Variants in KCNQ1OT1 observed in about 807,000 individuals in gnomAD.
KCNQ1OT1 encodes the protein KCNQ1 opposite strand/antisense transcript 1, also known as KCNQ1 antisense RNA 2 (non-protein coding).
chr11:2,680,000 TCTC>T lies in KCNQ1OT1; in HGVS notation n.19992_19994del. ...CCTCTACCTCCTGGGTTCAAGCAATTCTCCTGCCTTAGCCTCCCTAGTAGCTGG... is the reference window on the plus strand; with the variant it reads ...CCTCTACCTCCTGGGTTCAAGCAATTCTGCCTTAGCCTCCCTAGTAGCTGG... On this transcript the variant is annotated non_coding_transcript_exon_variant, in exon 1 of 1. Transcript: ENST00000597346. This position sits in a 1 kb window ranked among gnomAD's most constrained non-coding sequence, Gnocchi z 4.8. 2.5e-6 allele frequency: 1 copy of T among 397,028 alleles called. No homozygotes were observed. Among genetic ancestry groups the T allele is most frequent in the Non-Finnish European group, 4.4e-6 (1 of 225,768 alleles). The allele number at this position is 397,028 out of a possible 1,614,324, so 24.6% of individuals were successfully genotyped here. A position where few individuals can be genotyped will look rare whatever the true frequency, so the allele number is the denominator to read the frequency against.
chr11:2,676,722 T>G lies in KCNQ1OT1; in HGVS notation n.23273A>C, dbSNP rs1311440550. 2 of 398,560 alleles carry G rather than the reference T, an allele frequency of 5.0e-6. No homozygotes were observed. Among genetic ancestry groups the G allele is most frequent in the East Asian group, 7.1e-5 (2 of 28,092 alleles). 24.7% of individuals were successfully genotyped at this position (398,560 alleles called of 1,614,324 possible). A position where few individuals can be genotyped will look rare whatever the true frequency, so the allele number is the denominator to read the frequency against. On this transcript the variant is annotated non_coding_transcript_exon_variant, in exon 1 of 1. Transcript: ENST00000597346. The surrounding 1 kb of genome is among the most constrained non-coding windows in gnomAD (Gnocchi z 4.2). ...CCTGGCAGGAGATAACCAAGTCATA[T>G]GCATAGTGGCTTTGGGTACGATGGT...
chr11:2,617,580 G>C lies in KCNQ1OT1; in HGVS notation n.82415C>G. ...TTCATTTTCTTTGGGAATATACCTA[G>C]AAGAGGGATTAGTGGGTCAGATGAT... On this transcript the variant is annotated non_coding_transcript_exon_variant, in exon 1 of 1. Coordinates refer to ENST00000597346, the Ensembl canonical transcript of KCNQ1OT1. This position sits in a 1 kb window ranked among gnomAD's most constrained non-coding sequence, Gnocchi z 4.6. The C allele has an allele frequency of 2.5e-6, 1 of 398,406 alleles. No individual in the cohort carries two copies. Among genetic ancestry groups the C allele is most frequent in the Non-Finnish European group, 4.4e-6 (1 of 225,962 alleles). The allele number at this position is 398,406 out of a possible 1,614,324, so 24.7% of individuals were successfully genotyped here.
chr11:2,662,123 C>G (rs374710321), exon 1 of KCNQ1OT1: 1 of 1,613,408 alleles, frequency 6.2e-7, no homozygotes, highest in South Asian at 1.1e-5. Context: ...CTGGAGGGGA[C>G]TGGAGCTCAA....
In KCNQ1OT1 at chr11:2,677,096, T is replaced by C. The variant is rs143533851; in HGVS notation, n.22899A>G. ...CATTCAAATATATTCACTACTGAAATGACCACTTATGAAATTAGTTTCCCT... is the reference window on the plus strand; with the variant it reads ...CATTCAAATATATTCACTACTGAAACGACCACTTATGAAATTAGTTTCCCT... On this transcript the variant is annotated non_coding_transcript_exon_variant, in exon 1 of 1. Transcript: ENST00000597346. This position sits in a 1 kb window ranked among gnomAD's most constrained non-coding sequence, Gnocchi z 4.5. The C allele has an allele frequency of 3.4e-4, 136 of 398,634 alleles. No homozygotes were observed. The East Asian group carries it at 4.8e-3, about 14-fold the overall frequency. 24.7% of individuals were successfully genotyped at this position (398,634 alleles called of 1,614,324 possible). A position where few individuals can be genotyped will look rare whatever the true frequency, so the allele number is the denominator to read the frequency against.
exon 1 of KCNQ1OT1, chr11:2,697,332 T>C (rs1850694486): frequency 7.5e-6 from 3 of 398,598 alleles, no homozygotes; most frequent in Non-Finnish European, 1.3e-5. Context: ...ATCAACCCTA[T>C]GAGCTACACT....
chr11:2,686,538 G>A (rs1010248794), exon 1 of KCNQ1OT1: 11 of 398,550 alleles, frequency 2.8e-5, no homozygotes, highest in African/African-American at 4.1e-5. Flanking sequence ...ACAGCTCCCA[G>A]CCCTGGGCAA....
rs1850658489 is a variant in KCNQ1OT1 at position 2,695,500 on chromosome 11, C to A, written n.4495G>T. 7.5e-6 allele frequency: 3 copies of A among 398,582 alleles called. No homozygotes were observed. The highest frequency in any genetic ancestry group is 1.3e-5 in the Non-Finnish European group (3 of 226,102). The allele number at this position is 398,582 out of a possible 1,614,324, so 24.7% of individuals were successfully genotyped here. ...TATCTTGTGAAGTGTACATCTAGTC[C>A]CCTGCTCCTAACCACAGTGACCAGC... On this transcript the variant is annotated non_coding_transcript_exon_variant, in exon 1 of 1. Transcript: ENST00000597346. The surrounding 1 kb of genome is among the most constrained non-coding windows in gnomAD (Gnocchi z 5.2).
chr11:2,647,461 T>G lies in KCNQ1OT1; in HGVS notation n.52534A>C, dbSNP rs1178434796. 1.0e-5 allele frequency: 4 copies of G among 398,468 alleles called. No homozygotes were observed. Among genetic ancestry groups the G allele is most frequent in the Admixed American group, 4.4e-5 (1 of 22,710 alleles). 24.7% of individuals were successfully genotyped at this position (398,468 alleles called of 1,614,324 possible). ...GGAGATTGGCCTGTAGTTTTCTTTT[T>G]TGCTGTTATTGTGTCCTTATCTGGT... is the stretch of plus-strand genomic sequence containing the variant. On this transcript the variant is annotated non_coding_transcript_exon_variant, in exon 1 of 1. Transcript: ENST00000597346. The surrounding 1 kb of genome is among the most constrained non-coding windows in gnomAD (Gnocchi z 4.0).
chr11:2,694,916 C>T (rs1018698914), exon 1 of KCNQ1OT1: 23 of 398,608 alleles, frequency 5.8e-5, no homozygotes, highest in Non-Finnish European at 9.3e-5. Flanking sequence ...AAAGACAAGC[C>T]AGGCAGAGGT....
In KCNQ1OT1 at chr11:2,624,714, C is replaced by A; in HGVS notation, n.75281G>T. On this transcript the variant is annotated non_coding_transcript_exon_variant, in exon 1 of 1. Coordinates refer to ENST00000597346, the Ensembl canonical transcript of KCNQ1OT1. The surrounding 1 kb of genome is among the most constrained non-coding windows in gnomAD (Gnocchi z 4.9). ...ACTTGTCATTTGTAATTATGAAACT[C>A]TATATCCATTAAACAATAATTCCCC... The A allele has an allele frequency of 2.5e-6, 1 of 398,546 alleles. No homozygotes were observed. The allele number at this position is 398,546 out of a possible 1,614,324, so 24.7% of individuals were successfully genotyped here.
exon 1 of KCNQ1OT1, chr11:2,609,035 C>A: frequency 5.0e-6 from 2 of 398,128 alleles, no homozygotes; most frequent in Non-Finnish European, 8.9e-6. Flanking sequence ...TTTATTTCTA[C>A]TCTAATATTT....
At chr11:2,655,120 A>G in exon 1 of KCNQ1OT1, 1 of 398,632 alleles carries the variant, frequency 2.5e-6, no homozygotes, top group Non-Finnish European at 4.4e-6. Flanking sequence ...CCTATCGAGC[A>G]GGACCACTGA....
chr11:2,655,812 A>C (rs1332011703), exon 1 of KCNQ1OT1: 2 of 398,500 alleles, frequency 5.0e-6, no homozygotes, highest in Non-Finnish European at 8.8e-6. Context: ...CACAGTCTCC[A>C]ACACACAAGC....
At chr11:2,694,079 C>T (rs2133895450) in exon 1 of KCNQ1OT1, 2 of 398,694 alleles carry the variant, frequency 5.0e-6, no homozygotes, top group South Asian at 1.3e-4. Context: ...GTAGTTCCAA[C>T]TAAACCTCTG....
At position 2,668,165 on chromosome 11, in the gene KCNQ1OT1, C is replaced by A; in HGVS notation, n.31830G>T. On this transcript the variant is annotated non_coding_transcript_exon_variant, in exon 1 of 1. Transcript: ENST00000597346. The surrounding 1 kb of genome is among the most constrained non-coding windows in gnomAD (Gnocchi z 4.3). ...TGAAGGGAGAGTGCTCCCTCATGCT[C>A]CTTGCTGACTGGTGCTCCATTGTGT... 1 of 398,574 alleles carries A rather than the reference C, an allele frequency of 2.5e-6. No homozygotes were observed. Among genetic ancestry groups the A allele is most frequent in the South Asian group, 1.3e-4 (1 of 7,802 alleles). 24.7% of individuals were successfully genotyped at this position (398,574 alleles called of 1,614,324 possible).
chr11:2,620,135 A>G lies in KCNQ1OT1; in HGVS notation n.79860T>C. ...TATTTGGTTTTCTGTTCCTGCATTA[A>G]TTTGCTTAAGATAGTGGCCTCTAGC... On this transcript the variant is annotated non_coding_transcript_exon_variant, in exon 1 of 1. Coordinates refer to ENST00000597346, the Ensembl canonical transcript of KCNQ1OT1. This position sits in a 1 kb window ranked among gnomAD's most constrained non-coding sequence, Gnocchi z 4.5. 1 of 397,458 alleles carries G rather than the reference A, an allele frequency of 2.5e-6. No homozygotes were observed. Among genetic ancestry groups the G allele is most frequent in the Non-Finnish European group, 4.4e-6 (1 of 225,796 alleles). The allele number at this position is 397,458 out of a possible 1,614,324, so 24.6% of individuals were successfully genotyped here. A position where few individuals can be genotyped will look rare whatever the true frequency, so the allele number is the denominator to read the frequency against.
exon 1 of KCNQ1OT1, chr11:2,699,768 G>A (rs1850758553): frequency 5.0e-6 from 2 of 397,804 alleles, no homozygotes; most frequent in Non-Finnish European, 8.9e-6. Flanking sequence ...GCCGCGCTGA[G>A]GAGCCCCGAG....
Position 2,612,891 on chromosome 11 carries a change from G to C in KCNQ1OT1, n.87104C>G, listed in dbSNP as rs929411893. The C allele has an allele frequency of 4.5e-5, 18 of 398,522 alleles. No homozygotes were observed. In the South Asian group the frequency reaches 1.7e-3, roughly 37 times the overall value. The allele number at this position is 398,522 out of a possible 1,614,324, so 24.7% of individuals were successfully genotyped here. A position where few individuals can be genotyped will look rare whatever the true frequency, so the allele number is the denominator to read the frequency against. ...TTCTCCCTAACCAGGGATGATTTCTGTTACTCATTTATTTGTTTGCTCGCT... is the reference window on the plus strand; with the variant it reads ...TTCTCCCTAACCAGGGATGATTTCTCTTACTCATTTATTTGTTTGCTCGCT... On this transcript the variant is annotated non_coding_transcript_exon_variant, in exon 1 of 1. Coordinates refer to ENST00000597346, the Ensembl canonical transcript of KCNQ1OT1. The surrounding 1 kb of genome is among the most constrained non-coding windows in gnomAD (Gnocchi z 5.5).
At position 2,654,136 on chromosome 11, in the gene KCNQ1OT1, G is replaced by T; in HGVS notation, n.45859C>A. 1 of 398,508 alleles carries T rather than the reference G, an allele frequency of 2.5e-6. No homozygotes were observed. Among genetic ancestry groups the T allele is most frequent in the Middle Eastern group, 6.3e-4 (1 of 1,588 alleles). The allele number at this position is 398,508 out of a possible 1,614,324, so 24.7% of individuals were successfully genotyped here. ...CACAGGTGGTGGCGGGGCCACTCTG[G>T]CTCAGGGTCTATGAGCCGGGCATGG... On this transcript the variant is annotated non_coding_transcript_exon_variant, in exon 1 of 1. Coordinates refer to ENST00000597346, the Ensembl canonical transcript of KCNQ1OT1. The surrounding 1 kb of genome is among the most constrained non-coding windows in gnomAD (Gnocchi z 6.4).
Sources: allele counts gnomAD v4.1 joint callset, GRCh38; gene constraint gnomAD v4.1.1; non-coding constraint Gnocchi (gnomAD v3.1); transcripts MANE v1.5; gene names NCBI Gene and HGNC (gene_info 2026-07-23, HGNC 2026-07-21).